RTF1: variants seen among roughly 807,000 people sequenced by gnomAD.
The protein encoded by RTF1 is RNA polymerase-associated protein RTF1 homolog.
RTF1 carries 10 observed loss-of-function variants against 95.7 expected under a neutral mutation model. The observed-to-expected ratio is 0.10, with a 90% CI of 0.06 to 0.18. The LOEUF is 0.18. Among genes scored for constraint, RTF1 ranks in the 10% least tolerant of loss-of-function variants. The pLI is 1.00. For synonymous variants in RTF1, 305 were observed against 311.8 expected (o/e 0.98, Z 0.23); for missense variants, 458 against 875.6 (o/e 0.52, Z 6.02).
intron 2 of RTF1, chr15:41,448,890 AATTT>A (rs1414240317): frequency 6.6e-6 from 1 of 151,764 alleles, no homozygotes; most frequent in Non-Finnish European, 1.5e-5. Flanking sequence ...TAAATTAATT[AATTT>A]ATTTATTTGA....
chr15:41,454,252 G>A (rs1368938458), intron 3 of RTF1, among the ~76,000 whole-genome samples: 1 of 152,004 alleles, frequency 6.6e-6, no homozygotes, highest in Non-Finnish European at 1.5e-5. Flanking sequence ...AGCACACTTA[G>A]CTAATTTTTT....
intron 1 of RTF1, among the ~76,000 whole-genome samples, chr15:41,426,804 TGTGTGTGTGTG>T (rs1411059336): frequency 1.0e-4 from 14 of 138,954 alleles, no homozygotes; most frequent in African/African-American, 3.7e-4. Context: ...TGTGTGTGTG[TGTGTGTGTGTG>T]TGTGTGTGTG....
At chr15:41,457,022 G>C (rs139104846) in intron 3 of RTF1, among the ~76,000 whole-genome samples, 62 of 152,038 alleles carry the variant, frequency 4.1e-4, no homozygotes, top group Non-Finnish European at 7.4e-4. Context: ...GGAGGTGGAA[G>C]TTGCAATGAG....
Position 41,436,964 on chromosome 15 carries a change from G to A in RTF1, c.199-1357G>A, listed in dbSNP as rs547047271. ...TACCCAGGTGTGGTGGCACACCCCT[G>A]TAGTCCCAGCTACTCGGGAGGTTGA... On this transcript the variant is annotated intron_variant, in intron 1 of 17. Transcript: ENST00000389629. Among the ~76,000 whole-genome samples the A allele has an allele frequency of 4.9e-4, 75 of 151,560 alleles. 1 individual carries two copies. The South Asian group carries it at 0.014, about 29-fold the overall frequency.
chr15:41,475,665 T>G, intron 10 of RTF1, 47 bp from the exon 11 acceptor site: 1 of 1,603,344 alleles, frequency 6.2e-7, no homozygotes, highest in Non-Finnish European at 8.5e-7. Context: ...AGAAAATATC[T>G]TTCCAAAATC....
chr15:41,460,528 C>A (rs950234456), intron 4 of RTF1, among the ~76,000 whole-genome samples: 1 of 152,114 alleles, frequency 6.6e-6, no homozygotes, highest in African/African-American at 2.4e-5. Context: ...ATTTGTATAT[C>A]TGAACTGTGG....
chr15:41,456,190 C>CAAA (rs34135319), intron 3 of RTF1, among the ~76,000 whole-genome samples: 11 of 112,966 alleles, frequency 9.7e-5, no homozygotes, highest in African/African-American at 3.0e-4. Flanking sequence ...AACTCCATCT[C>CAAA]AAAAAAAAAA....
At chr15:41,454,934 T>A (rs923894651) in intron 3 of RTF1, among the ~76,000 whole-genome samples, 1 of 152,204 alleles carries the variant, frequency 6.6e-6, no homozygotes. Context: ...AAAATTTTCA[T>A]CACCACCTCA....
At chr15:41,454,108 A>G (rs1261318613) in intron 3 of RTF1, among the ~76,000 whole-genome samples, 1 of 151,860 alleles carries the variant, frequency 6.6e-6, no homozygotes, top group Admixed American at 6.6e-5. Context: ...TTTTTAATTT[A>G]TTATCGAGAC....
chr15:41,459,653 C>T (rs1398530710), intron 4 of RTF1, among the ~76,000 whole-genome samples: 1 of 152,174 alleles, frequency 6.6e-6, no homozygotes, highest in Non-Finnish European at 1.5e-5. Flanking sequence ...ATATTTGGAG[C>T]CCTGTCTTCA....
At position 41,464,860 on chromosome 15, in the gene RTF1, A is replaced by G; in HGVS notation, c.752A>G (p.Lys251Arg). Residue 251 changes from lysine (K) to arginine (R), a missense_variant, in exon 5 of 18, where the codon AAA becomes AGA. Lys to Arg is a conservative substitution (Grantham distance 26). This residue lies in a region of RTF1 where 39 missense variants were observed against 43.8 expected (regional missense o/e 0.89). Coordinates refer to ENST00000389629, the MANE Select transcript of RTF1 (RefSeq NM_015138.5). ...CAAGAAGAGGAGCAAGAAAAGAAAAAACTGACACAGATTCAAGAATCTCAG... is the reference window on the plus strand; with the variant it reads ...CAAGAAGAGGAGCAAGAAAAGAAAAGACTGACACAGATTCAAGAATCTCAG... The part of the protein sequence containing the change: ...KKQEEEQEKK[K>R]LTQIQESQVT... 6.5e-7 allele frequency: 1 copy of G among 1,535,232 alleles called. No individual in the cohort carries two copies. Among genetic ancestry groups the G allele is most frequent in the Admixed American group, 2.2e-5 (1 of 46,174 alleles).
chr15:41,452,915 C>T lies in RTF1; in HGVS notation c.324C>T (p.Ser108=). 1 of 1,602,630 alleles carries T rather than the reference C, an allele frequency of 6.2e-7. No individual in the cohort carries two copies. Residue 108 remains serine, a synonymous_variant, in exon 3 of 18, where the codon AGC becomes AGT. Coordinates refer to ENST00000389629, the MANE Select transcript of RTF1 (RefSeq NM_015138.5). Reference sequence around the variant, plus strand: ...TCTCCTTATAGTGGACATTTGGGAGCAATAAAAATAAGAAGAAAGGAAAAG... The same window carrying T: ...TCTCCTTATAGTGGACATTTGGGAGTAATAAAAATAAGAAGAAAGGAAAAG... ...SDSDDEWTFG[S]NKNKKKGKAR...
intron 14 of RTF1, among the ~76,000 whole-genome samples, chr15:41,478,042 AT>A (rs1250822346): frequency 1.3e-5 from 2 of 151,654 alleles, no homozygotes; most frequent in Non-Finnish European, 2.9e-5. Flanking sequence ...GGATGTGGAG[AT>A]TGCAGTGAGC....
At chr15:41,418,042 C>G (rs2050580772) in intron 1 of RTF1, among the ~76,000 whole-genome samples, 1 of 152,160 alleles carries the variant, frequency 6.6e-6, no homozygotes, top group Admixed American at 6.5e-5. Flanking sequence ...GGCCCTTTCA[C>G]GCAGCATCCC....
At position 41,477,450 on chromosome 15, in the gene RTF1, C is replaced by T. The variant is rs780301767; in HGVS notation, c.1683-8C>T. 7 of 1,614,162 alleles carry T rather than the reference C, an allele frequency of 4.3e-6. No individual in the cohort carries two copies. The East Asian group carries it at 6.7e-5, about 15-fold the overall frequency. On this transcript the variant is annotated splice_region_variant and splice_polypyrimidine_tract_variant and intron_variant, in intron 13 of 17. Coordinates refer to ENST00000389629, the MANE Select transcript of RTF1 (RefSeq NM_015138.5). ...CACAGCCACTGACTCATCCCTCTTA[C>T]CCCACAGTTACATCAACCAGCGGAA...
chr15:41,437,854 G>T (rs1387777997), intron 1 of RTF1, among the ~76,000 whole-genome samples: 2 of 152,064 alleles, frequency 1.3e-5, no homozygotes, highest in Admixed American at 6.6e-5. Flanking sequence ...TTTTTTTCTG[G>T]TTTAAGTATT....
At chr15:41,448,535 C>A (rs975762608) in intron 2 of RTF1, among the ~76,000 whole-genome samples, 2 of 151,756 alleles carry the variant, frequency 1.3e-5, no homozygotes, top group Admixed American at 1.3e-4. Context: ...GGTATAGTGG[C>A]TCTACTAACC....
In RTF1 at chr15:41,482,682, T is replaced by C. The variant is rs1194295028; in HGVS notation, c.*1995T>C. ...TGGTGATGGACTCGTTAAAATCATA[T>C]ATACTTGAATAGTCCATTGACCGAA... On this transcript the variant is annotated 3_prime_UTR_variant, in exon 18 of 18. Coordinates refer to ENST00000389629, the MANE Select transcript of RTF1 (RefSeq NM_015138.5). 1 of 152,624 alleles carries C rather than the reference T, an allele frequency of 6.6e-6. No homozygotes were observed. Among genetic ancestry groups the C allele is most frequent in the African/African-American group, 2.4e-5 (1 of 41,444 alleles). The allele number at this position is 152,624 out of a possible 1,614,324, so 9.5% of individuals were successfully genotyped here.
At chr15:41,420,333 C>T (rs1293447914) in intron 1 of RTF1, among the ~76,000 whole-genome samples, 1 of 152,146 alleles carries the variant, frequency 6.6e-6, no homozygotes, top group Admixed American at 6.6e-5. Flanking sequence ...GTCTGTTCAG[C>T]ACTATGCCAG....
Sources: allele counts gnomAD v4.1 joint callset (sites outside exome capture counted in the v4.1 genomes callset), GRCh38; gene constraint gnomAD v4.1.1; regional missense constraint gnomAD v4.1.1; transcripts MANE v1.5; gene names NCBI Gene and HGNC (gene_info 2026-07-23, HGNC 2026-07-21).